SH3GL1: variants seen among roughly 807,000 people sequenced by gnomAD.
SH3GL1 encodes the protein endophilin-A2.
In SH3GL1, 21 loss-of-function variants were observed where a neutral mutation model predicts 48.8. The ratio of observed to expected loss-of-function variants is 0.43; its 90% CI spans 0.30 to 0.62. The LOEUF (loss-of-function observed/expected upper bound fraction) is 0.62, where lower values mean the gene tolerates loss of function less well. SH3GL1 is among the 20% of genes least tolerant of loss of function. The pLI is 0.11. For missense variants in SH3GL1, 454 were observed against 503.0 expected (o/e 0.90, Z 0.93); for synonymous variants, 282 against 217.5 (o/e 1.30, Z -2.61).
intron 1 of SH3GL1, among the ~76,000 whole-genome samples, chr19:4,379,162 A>C (rs1973070326): frequency 1.3e-5 from 2 of 152,172 alleles, no homozygotes; most frequent in Admixed American, 1.3e-4. Context: ...GGGAGGAAAG[A>C]AGCAAAGGAC....
intron 1 of SH3GL1, among the ~76,000 whole-genome samples, chr19:4,385,772 T>C (rs995280210): frequency 1.3e-5 from 2 of 152,240 alleles, no homozygotes; most frequent in African/African-American, 4.8e-5. Flanking sequence ...ATTCTGCAAG[T>C]ATGAAATAAA....
rs762783021 is a variant in SH3GL1 at position 4,361,311 on chromosome 19, C to T, written c.*289G>A. The T allele has an allele frequency of 1.4e-5, 7 of 496,514 alleles. No homozygotes were observed. The highest frequency in any genetic ancestry group is 1.9e-5 in the African/African-American group (1 of 51,486). 30.8% of individuals were successfully genotyped at this position (496,514 alleles called of 1,614,324 possible). A position where few individuals can be genotyped will look rare whatever the true frequency, so the allele number is the denominator to read the frequency against. ...CTTAGTGTTGCCCCGCCTCGGCCAGCTGGGCGAGAAGTTGGGGAGCGGGGG... is the reference window on the plus strand; with the variant it reads ...CTTAGTGTTGCCCCGCCTCGGCCAGTTGGGCGAGAAGTTGGGGAGCGGGGG... On this transcript the variant is annotated 3_prime_UTR_variant, in exon 10 of 10. Transcript: ENST00000269886.
intron 1 of SH3GL1, among the ~76,000 whole-genome samples, chr19:4,392,132 T>C (rs891832459): frequency 3.3e-5 from 5 of 152,174 alleles, no homozygotes; most frequent in Admixed American, 6.5e-5. Flanking sequence ...CGCCGGCCCT[T>C]ACCAGCCCAC....
intron 1 of SH3GL1, among the ~76,000 whole-genome samples, chr19:4,385,577 A>G (rs1381211895): frequency 6.6e-6 from 1 of 151,452 alleles, no homozygotes; most frequent in Non-Finnish European, 1.5e-5. Flanking sequence ...GGCCCCAAAG[A>G]CCCTCCCTGG....
intron 1 of SH3GL1, among the ~76,000 whole-genome samples, chr19:4,368,782 C>T (rs114388126): frequency 0.023 from 3,475 of 152,250 alleles, 127 homozygotes; most frequent in African/African-American, 0.08. Context: ...CTTAAAAATC[C>T]CCTCGTTGGC....
At chr19:4,384,335 G>A (rs1973194081) in intron 1 of SH3GL1, among the ~76,000 whole-genome samples, 1 of 152,202 alleles carries the variant, frequency 6.6e-6, no homozygotes, top group Non-Finnish European at 1.5e-5. Context: ...AGGCCCCCAG[G>A]CACATACAGC....
rs752889222 is a variant in SH3GL1 at position 4,361,617 on chromosome 19, C to A, written c.1090G>T (p.Val364Leu). The change falls in exon 10 of 10, where the codon GTG becomes TTG. Residue 364 changes from valine to leucine, a missense_variant. Val to Leu is a conservative substitution (Grantham distance 32, BLOSUM62 1). Around this residue, in one of 2 missense-constraint regions of SH3GL1, gnomAD observed 278 missense variants for 246.8 expected, o/e 1.13. Coordinates refer to ENST00000269886, the MANE Select transcript of SH3GL1 (RefSeq NM_003025.4). ...CGGGTGAGTCACTGCGGCAGGGGCA[C>A]AAGCACCTCCACGTAGCTGAGCGGG... is the stretch of plus-strand genomic sequence containing the variant. ...FFPLSYVEVL[V>L]PLPQ 1 of 1,601,570 alleles carries A rather than the reference C, an allele frequency of 6.2e-7. No individual in the cohort carries two copies. The highest frequency in any genetic ancestry group is 8.5e-7 in the Non-Finnish European group (1 of 1,177,302).
chr19:4,386,344 G>T lies in SH3GL1; in HGVS notation c.45+13980C>A, dbSNP rs542033325. Among the ~76,000 whole-genome samples, 2 of 152,318 alleles carry T rather than the reference G, an allele frequency of 1.3e-5. 1 individual carries two copies. Among genetic ancestry groups the T allele is most frequent in the South Asian group, 4.1e-4 (2 of 4,828 alleles). ...TCCTGAGAATAAGGGTCTCTGCTTA[G>T]TGCTGGGGCAAAGTCCCGAAATGAC... On this transcript the variant is annotated intron_variant, in intron 1 of 9. Coordinates refer to ENST00000269886, the MANE Select transcript of SH3GL1 (RefSeq NM_003025.4).
At chr19:4,395,008 T>C (rs1973400958) in intron 1 of SH3GL1, among the ~76,000 whole-genome samples, 2 of 152,402 alleles carry the variant, frequency 1.3e-5, no homozygotes, top group African/African-American at 4.8e-5. Context: ...CTGACAGCGC[T>C]GATGGGCGCG....
chr19:4,364,304 T>G, intron 4 of SH3GL1, 83 bp from the exon 5 acceptor site: 5 of 1,560,554 alleles, frequency 3.2e-6, no homozygotes, highest in Non-Finnish European at 4.4e-6. Context: ...GTTTTTGAAA[T>G]AGCGTTTCAC....
chr19:4,398,409 G>A (rs1973461246), intron 1 of SH3GL1, among the ~76,000 whole-genome samples: 1 of 150,510 alleles, frequency 6.6e-6, no homozygotes, highest in South Asian at 2.1e-4. Flanking sequence ...TCAAGACGGA[G>A]TCTCGCTCTG....
chr19:4,394,194 A>T (rs1326921093), intron 1 of SH3GL1, among the ~76,000 whole-genome samples: 1 of 151,132 alleles, frequency 6.6e-6, no homozygotes, highest in Non-Finnish European at 1.5e-5. Context: ...TACACTCTCA[A>T]TCTCACACAG....
intron 1 of SH3GL1, among the ~76,000 whole-genome samples, chr19:4,375,596 G>A (rs900715964): frequency 6.6e-6 from 1 of 152,182 alleles, no homozygotes; most frequent in South Asian, 2.1e-4. Flanking sequence ...ATGCCAGTGA[G>A]TGCCTGGGGC....
intron 1 of SH3GL1, among the ~76,000 whole-genome samples, chr19:4,372,848 G>C (rs1006856456): frequency 6.6e-6 from 1 of 152,206 alleles, no homozygotes; most frequent in African/African-American, 2.4e-5. Flanking sequence ...GTGTCTGTCT[G>C]TCCTTCCTGG....
At position 4,367,719 on chromosome 19, in the gene SH3GL1, T is replaced by C. The variant is rs1335335686; in HGVS notation, c.46-725A>G. On this transcript the variant is annotated intron_variant, in intron 1 of 9. Transcript: ENST00000269886. The surrounding 1 kb of genome is among the most constrained non-coding windows in gnomAD (Gnocchi z 4.2). ...TGGGAAGGCAGAAGCAAGCACTGAATTCCCAAACCACTCCCTCTGACAGCG... is the reference window on the plus strand; with the variant it reads ...TGGGAAGGCAGAAGCAAGCACTGAACTCCCAAACCACTCCCTCTGACAGCG... Among the ~76,000 whole-genome samples the C allele has an allele frequency of 6.6e-6, 1 of 152,180 alleles. No individual in the cohort carries two copies. Among genetic ancestry groups the C allele is most frequent in the Non-Finnish European group, 1.5e-5 (1 of 68,034 alleles).
chr19:4,362,631 G>T lies in SH3GL1; in HGVS notation c.834C>A (p.Thr278=). ...PEQSNGGFPC[T]TAPKIAASSS... ...CATTACCTGCGATCTTGGGGGCTGT[G>T]GTGCAGGGGAAGCCCCCGTTGGACT... The change falls in exon 8 of 10, where the codon ACC becomes ACA. Residue 278 remains threonine, a synonymous_variant. Coordinates refer to ENST00000269886, the MANE Select transcript of SH3GL1 (RefSeq NM_003025.4). 6.2e-7 allele frequency: 1 copy of T among 1,613,804 alleles called. No individual in the cohort carries two copies. The highest frequency in any genetic ancestry group is 1.7e-5 in the Admixed American group (1 of 60,034).
intron 4 of SH3GL1, 72 bp from the exon 5 acceptor site, chr19:4,364,293 T>G (rs780133537): frequency 3.2e-5 from 51 of 1,584,284 alleles, no homozygotes; most frequent in Non-Finnish European, 4.1e-5. Flanking sequence ...CCTCAGCCTT[T>G]GTTTTTGAAA....
Position 4,361,823 on chromosome 19 carries a change from T to C in SH3GL1, c.911-27A>G, listed in dbSNP as rs201812287. On this transcript the variant is annotated intron_variant, in intron 9 of 9. Coordinates refer to ENST00000269886, the MANE Select transcript of SH3GL1 (RefSeq NM_003025.4). ...TGGGGGCGGGAGCGGGCTGTGGGGC[T>C]GGGGCTGCTACGCCTCACCCCGCCC... 8.8e-4 allele frequency: 1,349 copies of C among 1,534,176 alleles called. 6 individuals carry two copies. The African/African-American group carries it at 0.01, about 12-fold the overall frequency.
rs746663553 is a variant in SH3GL1 at position 4,364,233 on chromosome 19, T to G, written c.332-12A>C. 6.2e-7 allele frequency: 1 copy of G among 1,613,612 alleles called. No homozygotes were observed. The highest frequency in any genetic ancestry group is 1.7e-5 in the Admixed American group (1 of 60,010). ...CAGCAATGCGTCACCTGTGGAGAAGTGGTGGGGGAAGCCATCATACCGGGC... is the reference window on the plus strand; with the variant it reads ...CAGCAATGCGTCACCTGTGGAGAAGGGGTGGGGGAAGCCATCATACCGGGC... On this transcript the variant is annotated splice_polypyrimidine_tract_variant and intron_variant, in intron 4 of 9. Coordinates refer to ENST00000269886, the MANE Select transcript of SH3GL1 (RefSeq NM_003025.4).
Sources: allele counts gnomAD v4.1 joint callset (sites outside exome capture counted in the v4.1 genomes callset), GRCh38; gene constraint gnomAD v4.1.1; regional missense constraint gnomAD v4.1.1; non-coding constraint Gnocchi (gnomAD v3.1); transcripts MANE v1.5; gene names NCBI Gene and HGNC (gene_info 2026-07-23, HGNC 2026-07-21).